The following NAALADL2 variants were observed in gnomAD, a reference collection of about 807,000 sequenced individuals.
The protein encoded by NAALADL2 is inactive N-acetylated-alpha-linked acidic dipeptidase-like protein 2.
A neutral mutation model predicts 87.2 loss-of-function variants in NAALADL2; 76 were observed. The observed-to-expected ratio is 0.87, with a 90% CI of 0.72 to 1.05. NAALADL2 has a LOEUF of 1.05. NAALADL2 is among the 50% of genes least tolerant of loss of function. NAALADL2 has a pLI of 0.00. For synonymous variants in NAALADL2, 354 were observed against 331.0 expected, an observed-to-expected ratio of 1.07 and a Z score of -0.75; for missense variants, 1,089 against 945.8, an observed-to-expected ratio of 1.15 and a Z score of -1.99.
chr3:174,580,654 C>T (rs939381286), intron 2 of NAALADL2, among the ~76,000 whole-genome samples: 17 of 152,168 alleles, frequency 1.1e-4, no homozygotes, highest in African/African-American at 4.1e-4. Context: ...ATAGTATTCT[C>T]TCTCTCTCTA....
intron 2 of NAALADL2, among the ~76,000 whole-genome samples, chr3:175,174,406 A>G (rs1208264151): frequency 2.0e-5 from 3 of 152,134 alleles, no homozygotes; most frequent in Non-Finnish European, 1.5e-5. Context: ...CAGCATTTTC[A>G]TCTTATTTGA....
chr3:175,189,651 T>C (rs1181373325), intron 2 of NAALADL2, among the ~76,000 whole-genome samples: 2 of 152,118 alleles, frequency 1.3e-5, no homozygotes, highest in Non-Finnish European at 2.9e-5. Flanking sequence ...TCCGAGACAA[T>C]ACACAGATTC....
At chr3:175,548,586 C>G (rs922151023) in intron 9 of NAALADL2, among the ~76,000 whole-genome samples, 4 of 151,940 alleles carry the variant, frequency 2.6e-5, no homozygotes, top group African/African-American at 9.7e-5. Flanking sequence ...TCACAGATAT[C>G]GTTGGAATAG....
rs1398850928 is a variant in NAALADL2 at position 174,930,132 on chromosome 3, T to A, written c.43+70682T>A. Among the ~76,000 whole-genome samples the A allele has an allele frequency of 4.6e-5, 7 of 152,262 alleles. No homozygotes were observed. In the East Asian group the frequency reaches 1.4e-3, roughly 29 times the overall value. On this transcript the variant is annotated intron_variant, in intron 1 of 13. Transcript: ENST00000454872. ...TTGAGGGAAGGCTCATGTAAATTTA[T>A]AATGTAAAAAGAAACTGACTAACAT... is the stretch of plus-strand genomic sequence containing the variant.
chr3:174,534,836 G>T (rs750284026), intron 1 of NAALADL2, among the ~76,000 whole-genome samples: 3 of 152,156 alleles, frequency 2.0e-5, no homozygotes, highest in Non-Finnish European at 4.4e-5. Flanking sequence ...AAAGTGATTT[G>T]TTTGGGAAGC....
chr3:175,481,295 A>G (rs535227037), intron 9 of NAALADL2, among the ~76,000 whole-genome samples: 90 of 151,824 alleles, frequency 5.9e-4, no homozygotes, highest in Non-Finnish European at 1.0e-3. Context: ...TAACATTTAT[A>G]TACATTTCAA....
intron 9 of NAALADL2, among the ~76,000 whole-genome samples, chr3:175,536,809 G>A (rs1447235176): frequency 1.3e-5 from 2 of 152,066 alleles, no homozygotes; most frequent in African/African-American, 4.8e-5. Flanking sequence ...CGCAAACCCC[G>A]TCTCTACTAA....
In NAALADL2 at chr3:175,338,951, T is replaced by C. The variant is rs899755687; in HGVS notation, c.1090+14626T>C. Among the ~76,000 whole-genome samples the C allele has an allele frequency of 3.3e-5, 5 of 152,210 alleles. No homozygotes were observed. The East Asian group carries it at 7.7e-4, about 24-fold the overall frequency. On this transcript the variant is annotated intron_variant, in intron 5 of 13. Coordinates refer to ENST00000454872, the MANE Select transcript of NAALADL2 (RefSeq NM_207015.3). ...GAGGGAAGGCAGCAAAGTAACAGCA[T>C]TGGTGTTGTACAGAGTTGAAGAGCA...
chr3:174,850,682 C>T (rs983038754), intron 3 of NAALADL2, among the ~76,000 whole-genome samples: 3 of 152,092 alleles, frequency 2.0e-5, no homozygotes, highest in African/African-American at 7.2e-5. Context: ...GACTTCAACA[C>T]ACCATTTTCA....
chr3:174,627,886 T>C (rs182387955), intron 2 of NAALADL2, among the ~76,000 whole-genome samples: 5 of 152,148 alleles, frequency 3.3e-5, no homozygotes, highest in African/African-American at 1.2e-4. Context: ...AGCTAAACAA[T>C]GGGTATGTAC....
At chr3:175,652,580 G>A (rs1176741335) in intron 11 of NAALADL2, among the ~76,000 whole-genome samples, 3 of 149,160 alleles carry the variant, frequency 2.0e-5, no homozygotes, top group Non-Finnish European at 3.0e-5. Flanking sequence ...CCGGGTTCAC[G>A]CCATTCTCCT....
At chr3:174,955,979 C>T (rs1344987257) in intron 1 of NAALADL2, among the ~76,000 whole-genome samples, 5 of 151,980 alleles carry the variant, frequency 3.3e-5, no homozygotes, top group Non-Finnish European at 7.4e-5. Flanking sequence ...GGTTTAAATA[C>T]TCTCTTTTGT....
intron 9 of NAALADL2, among the ~76,000 whole-genome samples, chr3:175,565,893 G>A (rs533969284): frequency 4.6e-5 from 6 of 130,506 alleles, no homozygotes; most frequent in South Asian, 4.7e-4. Context: ...GCAGTGGTGC[G>A]TTATTGGCTC....
chr3:175,264,592 A>G (rs1387988982), intron 4 of NAALADL2, among the ~76,000 whole-genome samples: 1 of 151,786 alleles, frequency 6.6e-6, no homozygotes, highest in Non-Finnish European at 1.5e-5. Context: ...GTTAAACAGA[A>G]AAAAAACTGA....
chr3:174,903,011 T>C (rs974623382), intron 1 of NAALADL2, among the ~76,000 whole-genome samples: 8 of 152,120 alleles, frequency 5.3e-5, no homozygotes, highest in African/African-American at 1.9e-4. Flanking sequence ...GCCAAAATTA[T>C]ATGTTGACAG....
chr3:175,660,266 C>A (rs1335746490), intron 11 of NAALADL2, among the ~76,000 whole-genome samples: 1 of 152,084 alleles, frequency 6.6e-6, no homozygotes, highest in Admixed American at 6.6e-5. Context: ...CACTATAGCA[C>A]CACTTAAGAT....
exon 2 of NAALADL2, chr3:174,550,579 GA>G (rs1421761114): frequency 6.6e-6 from 1 of 151,708 alleles, no homozygotes; most frequent in Admixed American, 6.6e-5. Context: ...GAGGCTGAGG[GA>G]AGAAAAGAAT....
intron 11 of NAALADL2, among the ~76,000 whole-genome samples, chr3:175,685,402 G>A (rs767635151): frequency 6.6e-6 from 1 of 151,810 alleles, no homozygotes; most frequent in Non-Finnish European, 1.5e-5. Flanking sequence ...TTTTATAAAG[G>A]AGACACATGG....
chr3:175,378,629 C>T (rs1767436915), intron 5 of NAALADL2, among the ~76,000 whole-genome samples: 1 of 152,150 alleles, frequency 6.6e-6, no homozygotes, highest in Non-Finnish European at 1.5e-5. Flanking sequence ...TGTACCCTGT[C>T]CTGCAAATAC....
Sources: allele counts gnomAD v4.1 joint callset (sites outside exome capture counted in the v4.1 genomes callset), GRCh38; gene constraint gnomAD v4.1.1; transcripts MANE v1.5; gene names NCBI Gene and HGNC (gene_info 2026-07-23, HGNC 2026-07-21).